Variants in GREP1 observed in about 807,000 individuals in gnomAD.
The protein encoded by GREP1 is glycine rich extracellular protein 1.
intron 13 of GREP1, 73 bp downstream of exon 14, chr16:2,995,035 G>A (rs1291180262): frequency 1.0e-5 from 4 of 398,666 alleles, no homozygotes; most frequent in Non-Finnish European, 1.8e-5. Flanking sequence ...CGGGATTGGT[G>A]AATGATGGAG....
exon 27 of GREP1, chr16:2,999,261 A>G: frequency 2.5e-6 from 1 of 398,702 alleles, no homozygotes; most frequent in East Asian, 3.6e-5. Context: ...CCTAGCACCA[A>G]TGCCAGCCAT....
chr16:2,989,538 G>C lies in GREP1; in HGVS notation c.116G>C (p.Ser39Thr). The C allele has an allele frequency of 2.5e-6, 1 of 399,504 alleles. No homozygotes were observed. The highest frequency in any genetic ancestry group is 3.6e-5 in the East Asian group (1 of 28,090). 24.7% of individuals were successfully genotyped at this position (399,504 alleles called of 1,614,324 possible). The change falls in exon 3 of 35, where the codon AGT becomes ACT. Residue 39 changes from serine to threonine, a missense_variant. Physicochemically the swap from Ser to Thr is moderately conservative, Grantham distance 58. Coordinates refer to ENST00000573315, the Ensembl canonical transcript of GREP1. This position sits in a 1 kb window ranked among gnomAD's most constrained non-coding sequence, Gnocchi z 4.2. Reference sequence around the variant, plus strand: ...TCTCCCACAGTCTATGGCCCCCACAGTGGCCTGGGAGCAGGTGAGGCCTGG... The same window carrying C: ...TCTCCCACAGTCTATGGCCCCCACACTGGCCTGGGAGCAGGTGAGGCCTGG...
chr16:2,989,919 G>C lies in GREP1; in HGVS notation c.131-55G>C. On this transcript the variant is annotated intron_variant, in intron 3 of 34. Transcript: ENST00000573315. This position sits in a 1 kb window ranked among gnomAD's most constrained non-coding sequence, Gnocchi z 4.2. The stretch of plus-strand genomic sequence containing the variant: ...CTTGGATAGGCTGTGGGCCAGGTGT[G>C]GGGCTCTGGGGAGATCCTGGGGGAG... 2.5e-6 allele frequency: 1 copy of C among 398,922 alleles called. No homozygotes were observed. The highest frequency in any genetic ancestry group is 4.4e-6 in the Non-Finnish European group (1 of 226,040). 24.7% of individuals were successfully genotyped at this position (398,922 alleles called of 1,614,324 possible). A position where few individuals can be genotyped will look rare whatever the true frequency, so the allele number is the denominator to read the frequency against.
rs138713746 is a variant in GREP1, at chr16:3,000,944, G to A, written c.1531+117G>A. On this transcript the variant is annotated intron_variant, in intron 33 of 34. Coordinates refer to ENST00000573315, the Ensembl canonical transcript of GREP1. ...AGATAGAAGGTACAGCCCTCTTGGC[G>A]GAGGGGATGGAGTGAGTGAGAAGAG... The A allele has an allele frequency of 8.1e-4, 323 of 398,434 alleles. 2 individuals are homozygous for A. The East Asian group carries it at 0.01, about 13-fold the overall frequency. The allele number at this position is 398,434 out of a possible 1,614,324, so 24.7% of individuals were successfully genotyped here.
In GREP1 at chr16:3,000,701, C is replaced by A. The variant is rs2072456632; in HGVS notation, c.1418-13C>A. 1 of 398,848 alleles carries A rather than the reference C, an allele frequency of 2.5e-6. No individual in the cohort carries two copies. Among genetic ancestry groups the A allele is most frequent in the South Asian group, 1.3e-4 (1 of 7,866 alleles). The allele number at this position is 398,848 out of a possible 1,614,324, so 24.7% of individuals were successfully genotyped here. A position where few individuals can be genotyped will look rare whatever the true frequency, so the allele number is the denominator to read the frequency against. On this transcript the variant is annotated splice_polypyrimidine_tract_variant and intron_variant, in intron 32 of 34. Coordinates refer to ENST00000573315, the Ensembl canonical transcript of GREP1. ...GTGGGCAAGGGTACCCCTGCCAGCT[C>A]TCCTCCCCACAGGGCAGGCCGGGGT...
rs183513116 is a variant in GREP1, at chr16:3,001,708, C to T, written c.*122C>T. 29 of 398,762 alleles carry T rather than the reference C, an allele frequency of 7.3e-5. No individual in the cohort carries two copies. In the East Asian group the frequency reaches 1.0e-3, roughly 14 times the overall value. 24.7% of individuals were successfully genotyped at this position (398,762 alleles called of 1,614,324 possible). ...ACAAACGTGCTTCCCTGCTTGCCTCCGCGTGCCATGCAAGGGGCTTGCTGA... is the reference window on the plus strand; with the variant it reads ...ACAAACGTGCTTCCCTGCTTGCCTCTGCGTGCCATGCAAGGGGCTTGCTGA... On this transcript the variant is annotated 3_prime_UTR_variant, in exon 35 of 35. Transcript: ENST00000573315.
In GREP1 at chr16:2,999,284, G is replaced by C. The variant is rs2072445160; in HGVS notation, c.1173G>C (p.Leu391=). ...CAATGCCAGCCATCCAGTGGGGACT[G>C]AAACCTCAGAAAGCAGGTGTGAGTC... Residue 391 remains leucine (L), a synonymous_variant, in exon 27 of 35, where the codon CTG becomes CTC. Coordinates refer to ENST00000573315, the Ensembl canonical transcript of GREP1. The C allele has an allele frequency of 1.0e-5, 4 of 398,830 alleles. No individual in the cohort carries two copies. The East Asian group carries it at 1.4e-4, about 14-fold the overall frequency. The allele number at this position is 398,830 out of a possible 1,614,324, so 24.7% of individuals were successfully genotyped here.
At chr16:2,998,671 G>T in intron 25 of GREP1, 148 bp downstream of exon 23, 1 of 398,076 alleles carries the variant, frequency 2.5e-6, no homozygotes, top group South Asian at 1.4e-4. Context: ...CCCCCCAGGA[G>T]AGTGTGGACC....
exon 11 of GREP1, chr16:2,994,723 A>G (rs2072415725): frequency 2.5e-6 from 1 of 397,004 alleles, no homozygotes; most frequent in East Asian, 3.6e-5. Context: ...ATGGCTATAG[A>G]CCAGGTAGGG....
rs918733477 is a variant in GREP1, at chr16:2,992,425, G to A, written c.323-380G>A. 1.3e-4 allele frequency: 21 copies of A among 165,838 alleles called. No individual in the cohort carries two copies. Among genetic ancestry groups the A allele is most frequent in the African/African-American group, 3.6e-4 (15 of 41,992 alleles). The allele number at this position is 165,838 out of a possible 1,614,324, so 10.3% of individuals were successfully genotyped here. On this transcript the variant is annotated intron_variant, in intron 8 of 34. Transcript: ENST00000573315. The surrounding 1 kb of genome is among the most constrained non-coding windows in gnomAD (Gnocchi z 4.9). ...CAGGATACAACAATGGAAACGGACC[G>A]GGAACCCAGCCAGGTCGGGGCCGAA...
rs762084115 is a variant in GREP1 at position 2,989,665 on chromosome 16, G to A, written c.130+113G>A. 1.5e-5 allele frequency: 6 copies of A among 399,234 alleles called. No individual in the cohort carries two copies. Among genetic ancestry groups the A allele is most frequent in the Admixed American group, 4.4e-5 (1 of 22,710 alleles). The allele number at this position is 399,234 out of a possible 1,614,324, so 24.7% of individuals were successfully genotyped here. Reference sequence around the variant, plus strand: ...GGGGCAGGTAAAGGGGGAAGCAGTCGTCTCAGAAATACATGGGGACAGAGC... The same window carrying A: ...GGGGCAGGTAAAGGGGGAAGCAGTCATCTCAGAAATACATGGGGACAGAGC... On this transcript the variant is annotated intron_variant, in intron 3 of 34. Transcript: ENST00000573315. The surrounding 1 kb of genome is among the most constrained non-coding windows in gnomAD (Gnocchi z 4.2).
Position 2,995,657 on chromosome 16 carries a change from A to G in GREP1, c.589+3A>G. 1 of 392,874 alleles carries G rather than the reference A, an allele frequency of 2.5e-6. No individual in the cohort carries two copies. Among genetic ancestry groups the G allele is most frequent in the Non-Finnish European group, 4.5e-6 (1 of 222,584 alleles). 24.3% of individuals were successfully genotyped at this position (392,874 alleles called of 1,614,324 possible). On this transcript the variant is annotated splice_donor_region_variant and intron_variant, in intron 16 of 34. Transcript: ENST00000573315. ...GAACCGATTTGGATTTGGAGCAGGT[A>G]GGAGCAGGGGTGGGGAGGGGCTGGG...
At chr16:2,996,326 G>A (rs543976499) in intron 18 of GREP1, among the ~76,000 whole-genome samples, 170 bp from the exon 18 acceptor site, 3 of 152,246 alleles carry the variant, frequency 2.0e-5, no homozygotes, top group East Asian at 1.9e-4. Flanking sequence ...GGAATTAAGT[G>A]CCACTGGCTG....
Position 2,988,711 on chromosome 16 carries a change from G to A in GREP1, c.100+89G>A, listed in dbSNP as rs567918984. The A allele has an allele frequency of 3.3e-5, 13 of 398,842 alleles. No individual in the cohort carries two copies. The Admixed American group carries it at 4.0e-4, about 12-fold the overall frequency. 24.7% of individuals were successfully genotyped at this position (398,842 alleles called of 1,614,324 possible). ...GGGAGCTCTCTGGGACTCCCGATGCGGGGCCCAGGAGAGCTCAGGGCCCTT... is the reference window on the plus strand; with the variant it reads ...GGGAGCTCTCTGGGACTCCCGATGCAGGGCCCAGGAGAGCTCAGGGCCCTT... On this transcript the variant is annotated intron_variant, in intron 2 of 34. Coordinates refer to ENST00000573315, the Ensembl canonical transcript of GREP1.
chr16:2,996,634 A>G (rs1210464394), intron 19 of GREP1, 39 bp from the exon 19 acceptor site: 1 of 399,016 alleles, frequency 2.5e-6, no homozygotes, highest in Non-Finnish European at 4.4e-6. Flanking sequence ...GATCAGCAGC[A>G]CTGGCTGGAG....
rs572696872 is a variant in GREP1 at position 2,996,195 on chromosome 16, A to C, written c.676+285A>C. On this transcript the variant is annotated intron_variant, in intron 18 of 34. Transcript: ENST00000573315. ...TGATCCACCTGCCTTGGCTTCCCAA[A>C]GTGCTGGGATGACAGGCGTGAGCCA... 1.3e-4 allele frequency among the ~76,000 whole-genome samples: 20 copies of C among 152,082 alleles called. No individual in the cohort carries two copies. In the East Asian group the frequency reaches 3.9e-3, roughly 30 times the overall value.
chr16:2,997,752 C>T, intron 22 of GREP1, 51 bp from the exon 21 acceptor site: 1 of 398,482 alleles, frequency 2.5e-6, no homozygotes, highest in Admixed American at 4.4e-5. Flanking sequence ...CTGGAAGAGA[C>T]CCCTCAGTGA....
At chr16:2,990,417 T>C (rs2072392546) in intron 5 of GREP1, 135 bp from the exon 6 acceptor site, 2 of 398,788 alleles carry the variant, frequency 5.0e-6, no homozygotes, top group Admixed American at 4.4e-5. Flanking sequence ...GGGATGGGGA[T>C]TCCTGAGCCC....
chr16:2,989,693 A>G lies in GREP1; in HGVS notation c.130+141A>G. On this transcript the variant is annotated intron_variant, in intron 3 of 34. Coordinates refer to ENST00000573315, the Ensembl canonical transcript of GREP1. This position sits in a 1 kb window ranked among gnomAD's most constrained non-coding sequence, Gnocchi z 4.2. ...TCAGAAATACATGGGGACAGAGCAT[A>G]GCCCCAGAGTGTCCCCCAGGCACCC... 2.5e-6 allele frequency: 1 copy of G among 399,082 alleles called. No homozygotes were observed. The highest frequency in any genetic ancestry group is 4.4e-6 in the Non-Finnish European group (1 of 226,250). The allele number at this position is 399,082 out of a possible 1,614,324, so 24.7% of individuals were successfully genotyped here.
Sources: gnomAD v4.1 joint callset for allele counts (sites outside exome capture counted in the v4.1 genomes callset) on GRCh38, gnomAD v4.1.1 for gene constraint, Gnocchi (gnomAD v3.1) non-coding constraint, MANE v1.5 for transcripts, NCBI Gene and HGNC (gene_info 2026-07-23, HGNC 2026-07-21) for gene names.